PTPN5: variants seen among roughly 807,000 people sequenced by gnomAD.
The protein encoded by PTPN5 is tyrosine-protein phosphatase non-receptor type 5.
Under a neutral mutation model 73.9 loss-of-function variants are expected in PTPN5, and 29 were observed. The ratio of observed to expected loss-of-function variants is 0.39; its 90% CI spans 0.29 to 0.54. The LOEUF (loss-of-function observed/expected upper bound fraction) is 0.54, where lower values mean the gene tolerates loss of function less well. PTPN5 is among the 20% of genes least tolerant of loss of function. PTPN5 has a pLI of 0.65. For synonymous variants in PTPN5, 267 were observed against 304.7 expected, an observed-to-expected ratio of 0.88 and a Z score of 1.29; for missense variants, 652 against 751.4, an observed-to-expected ratio of 0.87 and a Z score of 1.55.
At position 18,733,413 on chromosome 11, in the gene PTPN5, T is replaced by C; in HGVS notation, c.1081-41A>G. 1 of 1,610,392 alleles carries C rather than the reference T, an allele frequency of 6.2e-7. No homozygotes were observed. The highest frequency in any genetic ancestry group is 8.5e-7 in the Non-Finnish European group (1 of 1,177,094). On this transcript the variant is annotated intron_variant, in intron 10 of 14. Transcript: ENST00000358540. The surrounding 1 kb of genome is among the most constrained non-coding windows in gnomAD (Gnocchi z 4.3). ...TCCAGGCTGTCAGGGTCAGAGGCAG[T>C]GCTCCCAGGACCCCATCCCCACACT...
intron 3 of PTPN5, among the ~76,000 whole-genome samples, chr11:18,756,721 G>A (rs1201937874): frequency 6.6e-6 from 1 of 151,872 alleles, no homozygotes; most frequent in Non-Finnish European, 1.5e-5. Flanking sequence ...AGGAGATCGA[G>A]ACCACCCCGG....
chr11:18,757,412 A>T (rs772438780), intron 3 of PTPN5, among the ~76,000 whole-genome samples: 8 of 152,180 alleles, frequency 5.3e-5, no homozygotes, highest in Non-Finnish European at 8.8e-5. Flanking sequence ...GCCCTGCTCC[A>T]ATCCTCCATC....
chr11:18,752,967 C>T (rs1357890010), intron 3 of PTPN5, among the ~76,000 whole-genome samples: 1 of 152,232 alleles, frequency 6.6e-6, no homozygotes, highest in Non-Finnish European at 1.5e-5. Flanking sequence ...GACTGCCATG[C>T]TCATCTTTAA....
In PTPN5 at chr11:18,732,715, A is replaced by G. The variant is rs752590831; in HGVS notation, c.1219-13T>C. 6.2e-6 allele frequency: 10 copies of G among 1,607,334 alleles called. No homozygotes were observed. Among genetic ancestry groups the G allele is most frequent in the East Asian group, 4.5e-5 (2 of 44,874 alleles). ...ACTCGGTGCATTTCTGCAGGGGCCC[A>G]GATCAGGCTGCCATACAATCCTGTT... is the stretch of plus-strand genomic sequence containing the variant. On this transcript the variant is annotated splice_polypyrimidine_tract_variant and intron_variant, in intron 11 of 14. Coordinates refer to ENST00000358540, the MANE Select transcript of PTPN5 (RefSeq NM_006906.2).
intron 3 of PTPN5, among the ~76,000 whole-genome samples, chr11:18,764,474 G>A (rs1850542047): frequency 6.6e-6 from 1 of 152,190 alleles, no homozygotes; most frequent in African/African-American, 2.4e-5. Context: ...GTTAAGGTAT[G>A]AACTGCATCA....
chr11:18,740,752 G>A lies in PTPN5; in HGVS notation c.766C>T (p.Pro256Ser). 1 of 1,594,072 alleles carries A rather than the reference G, an allele frequency of 6.3e-7. No individual in the cohort carries two copies. The highest frequency in any genetic ancestry group is 8.6e-7 in the Non-Finnish European group (1 of 1,168,598). Residue 256 changes from proline to serine, a missense_variant, in exon 8 of 15, where the codon CCG (proline) becomes TCG (serine). Physicochemically the swap from Pro to Ser is moderately conservative, Grantham distance 74. This residue lies in a region of PTPN5 where 529 missense variants were observed against 573.9 expected (regional missense o/e 0.92). Transcript: ENST00000358540. The part of the protein sequence containing the change: ...NVSLTLDMCT[P>S]GCNEEGFGYL... ...CCAAAGCCCTCCTCGTTGCAGCCCG[G>A]AGTGCACATGTCCAGGGTCAGGGAG...
chr11:18,788,609 T>C (rs1009992355), intron 1 of PTPN5, among the ~76,000 whole-genome samples: 2 of 152,230 alleles, frequency 1.3e-5, no homozygotes, highest in Non-Finnish European at 2.9e-5. Flanking sequence ...CTACTTGGCT[T>C]CTCCAAGAAG....
chr11:18,765,724 G>T, intron 3 of PTPN5, 83 bp downstream of exon 3: 3 of 922,524 alleles, frequency 3.3e-6, no homozygotes, highest in Non-Finnish European at 5.2e-6. Context: ...AGCTAGCTAG[G>T]CTTTACTCCA....
At chr11:18,735,567 G>A (rs1849076725) in intron 9 of PTPN5, among the ~76,000 whole-genome samples, 1 of 152,164 alleles carries the variant, frequency 6.6e-6, no homozygotes, top group African/African-American at 2.4e-5. Context: ...TGTAAGCCCA[G>A]CACTTTGGGA....
chr11:18,769,293 G>A (rs1850770741), intron 2 of PTPN5, among the ~76,000 whole-genome samples: 1 of 152,172 alleles, frequency 6.6e-6, no homozygotes, highest in Non-Finnish European at 1.5e-5. Context: ...TGCTTTAATT[G>A]ATGTATGCAT....
intron 9 of PTPN5, among the ~76,000 whole-genome samples, chr11:18,735,438 C>T (rs1028389248): frequency 2.0e-5 from 3 of 152,100 alleles, no homozygotes; most frequent in Non-Finnish European, 4.4e-5. Context: ...GTCAGATTCA[C>T]GTGCACAGTG....
intron 3 of PTPN5, among the ~76,000 whole-genome samples, chr11:18,760,796 G>A (rs1850351552): frequency 1.3e-5 from 2 of 152,356 alleles, no homozygotes; most frequent in South Asian, 4.1e-4. Flanking sequence ...CTCCCCATGA[G>A]CAGAGAAGTC....
intron 3 of PTPN5, chr11:18,749,535 G>A: frequency 1.9e-6 from 1 of 518,270 alleles, no homozygotes; most frequent in Non-Finnish European, 3.9e-6. Flanking sequence ...GGGCCACGGT[G>A]CAGATTTTGT....
intron 1 of PTPN5, among the ~76,000 whole-genome samples, chr11:18,775,098 A>T (rs542671561): frequency 4.8e-4 from 73 of 152,306 alleles, no homozygotes; most frequent in African/African-American, 1.5e-3. Flanking sequence ...GGAACGTACT[A>T]ACGTTTCCTG....
intron 1 of PTPN5, among the ~76,000 whole-genome samples, chr11:18,772,850 A>C (rs1183591220): frequency 1.3e-5 from 2 of 152,196 alleles, no homozygotes; most frequent in Admixed American, 1.3e-4. Flanking sequence ...ATGGTGACAC[A>C]GGTGACCCGT....
chr11:18,755,031 T>C (rs181739879), intron 3 of PTPN5, among the ~76,000 whole-genome samples: 1 of 152,292 alleles, frequency 6.6e-6, no homozygotes, highest in East Asian at 1.9e-4. Context: ...ACTCTAGGAT[T>C]AGGTCCTAAG....
rs757064839 is a variant in PTPN5, at chr11:18,771,962, C to T, written c.-4G>A. ...ACCTGGCTCCCTCATAATTCATTCC[C>T]AAGGTGTCTGGATGGGGAAGGGTGC... On this transcript the variant is annotated 5_prime_UTR_variant, in exon 2 of 15. An upstream open reading frame in the 5' UTR gains an earlier in-frame stop. Coordinates refer to ENST00000358540, the MANE Select transcript of PTPN5 (RefSeq NM_006906.2). 1 of 1,575,628 alleles carries T rather than the reference C, an allele frequency of 6.3e-7. No individual in the cohort carries two copies. The highest frequency in any genetic ancestry group is 1.2e-5 in the South Asian group (1 of 83,434).
intron 3 of PTPN5, among the ~76,000 whole-genome samples, chr11:18,748,114 T>C (rs867090333): frequency 6.6e-5 from 10 of 152,116 alleles, no homozygotes; most frequent in African/African-American, 2.4e-4. Context: ...AGTTCAGAGT[T>C]GATATCAAGA....
intron 1 of PTPN5, among the ~76,000 whole-genome samples, 197 bp from the exon 2 acceptor site, chr11:18,772,268 C>A (rs1354053321): frequency 6.6e-6 from 1 of 152,186 alleles, no homozygotes; most frequent in Non-Finnish European, 1.5e-5. Flanking sequence ...CCAAAGCCTT[C>A]TAATAAATAT....
Sources: allele counts gnomAD v4.1 joint callset (sites outside exome capture counted in the v4.1 genomes callset), GRCh38; gene constraint gnomAD v4.1.1; regional missense constraint gnomAD v4.1.1; non-coding constraint Gnocchi (gnomAD v3.1); transcripts MANE v1.5; gene names NCBI Gene and HGNC (gene_info 2026-07-23, HGNC 2026-07-21).